DPYSL2: variants seen among roughly 807,000 people sequenced by gnomAD.
The protein encoded by DPYSL2 is dihydropyrimidinase like 2.
A neutral mutation model predicts 69.9 loss-of-function variants in DPYSL2; 13 were observed. The ratio of observed to expected loss-of-function variants is 0.19; its 90% CI spans 0.12 to 0.30. The LOEUF (loss-of-function observed/expected upper bound fraction) is 0.30, where lower values mean the gene tolerates loss of function less well. DPYSL2 is among the 10% of genes least tolerant of loss of function. The pLI is 1.00. For missense variants in DPYSL2, 587 were observed against 918.9 expected (o/e 0.64, Z 4.67); for synonymous variants, 326 against 359.1 (o/e 0.91, Z 1.04).
rs1361828800 is a variant in DPYSL2 at position 26,650,806 on chromosome 8, A to G, written c.1597-1451A>G. On this transcript the variant is annotated intron_variant, in intron 11 of 13. Coordinates refer to ENST00000521913, the MANE Select transcript of DPYSL2 (RefSeq NM_001197293.3). This position sits in a 1 kb window ranked among gnomAD's most constrained non-coding sequence, Gnocchi z 5.3. Reference sequence around the variant, plus strand: ...CCAAGAGGGAAAAATGTCTCCCCCAAGAATTGGAACTGGAAGTGGGTGCTT... The same window carrying G: ...CCAAGAGGGAAAAATGTCTCCCCCAGGAATTGGAACTGGAAGTGGGTGCTT... Among the ~76,000 whole-genome samples the G allele has an allele frequency of 6.6e-6, 1 of 152,220 alleles. No homozygotes were observed. The highest frequency in any genetic ancestry group is 1.5e-5 in the Non-Finnish European group (1 of 68,048).
At chr8:26,576,373 A>AC (rs1801343902) in intron 1 of DPYSL2, among the ~76,000 whole-genome samples, 1 of 140,912 alleles carries the variant, frequency 7.1e-6, no homozygotes, top group Admixed American at 7.4e-5. Context: ...TTCTTCCCCC[A>AC]CCCCCCAGCC....
rs183303882 is a variant in DPYSL2, at chr8:26,581,917, T to C, written c.355-52T>C. On this transcript the variant is annotated intron_variant, in intron 1 of 13. Transcript: ENST00000521913. ...TCCTTAGCTCACATATCTTAGCACCTGTTTCTCATAGGTCAGTTACGCGTT... is the reference window on the plus strand; with the variant it reads ...TCCTTAGCTCACATATCTTAGCACCCGTTTCTCATAGGTCAGTTACGCGTT... 13 of 1,326,120 alleles carry C rather than the reference T, an allele frequency of 9.8e-6. No homozygotes were observed. In the African/African-American group the frequency reaches 1.6e-4, roughly 16 times the overall value. 82.1% of individuals were successfully genotyped at this position (1,326,120 alleles called of 1,614,324 possible).
intron 3 of DPYSL2, among the ~76,000 whole-genome samples, chr8:26,615,796 C>G (rs913085208): frequency 6.6e-6 from 1 of 152,166 alleles, no homozygotes; most frequent in Non-Finnish European, 1.5e-5. Flanking sequence ...CACAGACATT[C>G]TAAATAGTTC....
chr8:26,626,028 G>T lies in DPYSL2; in HGVS notation c.794-589G>T, dbSNP rs1467909656. Among the ~76,000 whole-genome samples, 1 of 152,128 alleles carries T rather than the reference G, an allele frequency of 6.6e-6. No individual in the cohort carries two copies. Among genetic ancestry groups the T allele is most frequent in the East Asian group, 1.9e-4 (1 of 5,182 alleles). ...ACCCCAGTCCCTGGCAACTGCTGTT[G>T]TACTTTCTGTCTGTGAAATTGACTT... is the stretch of plus-strand genomic sequence containing the variant. On this transcript the variant is annotated intron_variant, in intron 4 of 13. Transcript: ENST00000521913. This position sits in a 1 kb window ranked among gnomAD's most constrained non-coding sequence, Gnocchi z 4.3.
intron 1 of DPYSL2, among the ~76,000 whole-genome samples, chr8:26,539,445 A>G (rs1800644351): frequency 6.6e-6 from 1 of 152,242 alleles, no homozygotes; most frequent in African/African-American, 2.4e-5. Context: ...AACATCTAGA[A>G]AGACTAGATT....
Position 26,619,692 on chromosome 8 carries a change from C to G in DPYSL2, c.629-4451C>G, listed in dbSNP as rs1242134137. 3 of 152,214 alleles carry G rather than the reference C, an allele frequency of 2.0e-5. 1 individual carries two copies. Among genetic ancestry groups the G allele is most frequent in the African/African-American group, 4.8e-5 (2 of 41,426 alleles). The allele number at this position is 152,214 out of a possible 1,614,324, so 9.4% of individuals were successfully genotyped here. On this transcript the variant is annotated intron_variant, in intron 3 of 13. Transcript: ENST00000521913. The surrounding 1 kb of genome is among the most constrained non-coding windows in gnomAD (Gnocchi z 4.8). ...GTCTGGACCTGCAGCGTCAGAAACT[C>G]TGGGGTAAGGTCTGGGAACCTGTGT...
Position 26,582,514 on chromosome 8 carries a change from C to T in DPYSL2, c.443+457C>T, listed in dbSNP as rs537363915. ...CCAAAGAAAGATACCAAGTTAATTA[C>T]TAAGTAATACAGACAAATTACTGCC... is the stretch of plus-strand genomic sequence containing the variant. On this transcript the variant is annotated intron_variant, in intron 2 of 13. Transcript: ENST00000521913. The surrounding 1 kb of genome is among the most constrained non-coding windows in gnomAD (Gnocchi z 4.1). 6.6e-6 allele frequency among the ~76,000 whole-genome samples: 1 copy of T among 152,224 alleles called. No individual in the cohort carries two copies. Among genetic ancestry groups the T allele is most frequent in the Admixed American group, 6.5e-5 (1 of 15,286 alleles).
intron 8 of DPYSL2, among the ~76,000 whole-genome samples, chr8:26,636,295 G>A (rs1397636320): frequency 6.6e-6 from 1 of 152,242 alleles, no homozygotes; most frequent in Admixed American, 6.5e-5. Flanking sequence ...CAAGAAGGCA[G>A]CGCATTTGTG....
chr8:26,584,080 C>A, intron 3 of DPYSL2, 97 bp downstream of exon 3: 2 of 1,275,256 alleles, frequency 1.6e-6, no homozygotes, highest in Non-Finnish European at 2.2e-6. Flanking sequence ...ACTTGCTGTC[C>A]TGAGCCACAG....
intron 3 of DPYSL2, among the ~76,000 whole-genome samples, chr8:26,604,980 GA>G (rs1802077986): frequency 6.6e-6 from 1 of 152,130 alleles, no homozygotes; most frequent in Non-Finnish European, 1.5e-5. Flanking sequence ...TTTACCATGG[GA>G]AATTGTTAGC....
At position 26,564,773 on chromosome 8, in the gene DPYSL2, TAAAA is replaced by T. The variant is rs35515244; in HGVS notation, c.355-17193_355-17190del. Among the ~76,000 whole-genome samples the T allele has an allele frequency of 1.4e-5, 2 of 145,010 alleles. No individual in the cohort carries two copies. Among genetic ancestry groups the T allele is most frequent in the African/African-American group, 2.5e-5 (1 of 40,408 alleles). On this transcript the variant is annotated intron_variant, in intron 1 of 13. Transcript: ENST00000521913. This position sits in a 1 kb window ranked among gnomAD's most constrained non-coding sequence, Gnocchi z 4.8. The stretch of plus-strand genomic sequence containing the variant: ...TTTCTTTTTAAAAGAATTTTTTTTT[TAAAA>T]AATTTCAATAGCTTTTGGGATACAA...
chr8:26,635,612 T>C (rs998335433), intron 8 of DPYSL2, among the ~76,000 whole-genome samples: 11 of 152,298 alleles, frequency 7.2e-5, no homozygotes, highest in African/African-American at 2.6e-4. Flanking sequence ...ACAGAAAGCC[T>C]GAGGGCATGT....
chr8:26,514,703 A>G lies in DPYSL2; in HGVS notation c.354+24A>G. 1 of 1,145,596 alleles carries G rather than the reference A, an allele frequency of 8.7e-7. No homozygotes were observed. The highest frequency in any genetic ancestry group is 1.1e-6 in the Non-Finnish European group (1 of 878,072). 71.0% of individuals were successfully genotyped at this position (1,145,596 alleles called of 1,614,324 possible). A position where few individuals can be genotyped will look rare whatever the true frequency, so the allele number is the denominator to read the frequency against. On this transcript the variant is annotated intron_variant, in intron 1 of 13. Coordinates refer to ENST00000521913, the MANE Select transcript of DPYSL2 (RefSeq NM_001197293.3). This position sits in a 1 kb window ranked among gnomAD's most constrained non-coding sequence, Gnocchi z 8.4. ...AGGTCGGTGTGGGGGTTGGGGGTGGAGACGGAGGACGGGGCGCGGGGATCG... is the reference window on the plus strand; with the variant it reads ...AGGTCGGTGTGGGGGTTGGGGGTGGGGACGGAGGACGGGGCGCGGGGATCG...
At chr8:26,646,871 T>TTC (rs1487902616) in intron 10 of DPYSL2, among the ~76,000 whole-genome samples, 3 of 151,850 alleles carry the variant, frequency 2.0e-5, no homozygotes, top group Non-Finnish European at 4.4e-5. Context: ...TCTTCCCAGC[T>TTC]ACTCAAGAGG....
intron 3 of DPYSL2, among the ~76,000 whole-genome samples, chr8:26,622,155 T>TTCCC (rs1554544282): frequency 4.3e-5 from 3 of 68,968 alleles, no homozygotes; most frequent in Non-Finnish European, 6.0e-5. Flanking sequence ...CCTTCCTTCC[T>TTCCC]TCCCTCTCTC....
chr8:26,606,316 A>T lies in DPYSL2; in HGVS notation c.629-17827A>T, dbSNP rs1025296308. ...TATCCCAGATGGATTAAAGAATTAC[A>T]TTTAAACAGTAAAGTCAGAAGAGAC... On this transcript the variant is annotated intron_variant, in intron 3 of 13. Coordinates refer to ENST00000521913, the MANE Select transcript of DPYSL2 (RefSeq NM_001197293.3). Among the ~76,000 whole-genome samples, 113 of 152,316 alleles carry T rather than the reference A, an allele frequency of 7.4e-4. 1 individual carries two copies. The highest frequency in any genetic ancestry group is 2.7e-3 in the African/African-American group (111 of 41,582).
intron 1 of DPYSL2, among the ~76,000 whole-genome samples, chr8:26,543,017 T>A (rs780616598): frequency 1.1e-4 from 16 of 152,216 alleles, no homozygotes; most frequent in Non-Finnish European, 1.5e-4. Flanking sequence ...GAAAAAAGTA[T>A]AATCCCACCT....
At position 26,517,390 on chromosome 8, in the gene DPYSL2, CG is replaced by C. The variant is rs1021850849; in HGVS notation, c.354+2713del. Among the ~76,000 whole-genome samples, 39 of 152,262 alleles carry C rather than the reference CG, an allele frequency of 2.6e-4. No homozygotes were observed. Among genetic ancestry groups the C allele is most frequent in the African/African-American group, 6.3e-4 (26 of 41,556 alleles). On this transcript the variant is annotated intron_variant, in intron 1 of 13. Transcript: ENST00000521913. The surrounding 1 kb of genome is among the most constrained non-coding windows in gnomAD (Gnocchi z 4.2). ...CTTGACTCGGCATGTCAGATTTTGGCGGAGGAAAAGAGCTGGCATAGTGGTT... is the reference window on the plus strand; with the variant it reads ...CTTGACTCGGCATGTCAGATTTTGGCGAGGAAAAGAGCTGGCATAGTGGTT...
chr8:26,535,898 TTGTGTGTGTGTGTG>T (rs112620337), intron 1 of DPYSL2, among the ~76,000 whole-genome samples: 6,792 of 141,236 alleles, frequency 0.048, 228 homozygotes, highest in Middle Eastern at 0.11. Context: ...TCTCTATGGG[TTGTGTGTGTGTGTG>T]TGTGTGTGTG....
Sources: allele counts gnomAD v4.1 joint callset (sites outside exome capture counted in the v4.1 genomes callset), GRCh38; gene constraint gnomAD v4.1.1; non-coding constraint Gnocchi (gnomAD v3.1); transcripts MANE v1.5; gene names NCBI Gene and HGNC (gene_info 2026-07-23, HGNC 2026-07-21).